BCAS2: variants seen among roughly 807,000 people sequenced by gnomAD.
BCAS2 encodes the protein BCAS2 pre-mRNA processing factor.
A neutral mutation model predicts 35.3 loss-of-function variants in BCAS2; 34 were observed. That is an observed-to-expected ratio of 0.96 (90% CI 0.73 to 1.28). The LOEUF (loss-of-function observed/expected upper bound fraction) is 1.28, where lower values mean the gene tolerates loss of function less well. BCAS2 is among the 50% of genes most tolerant of loss of function. The probability of loss-of-function intolerance (pLI) is 0.00; values close to 1 mark genes in which losing one functional copy is unlikely to be tolerated. For synonymous variants in BCAS2, 75 were observed against 91.6 expected (o/e 0.82, Z 1.03); for missense variants, 221 against 268.1 (o/e 0.82, Z 1.23).
At chr1:114,571,489 T>C (rs1395476435) in intron 4 of BCAS2, among the ~76,000 whole-genome samples, 1 of 152,016 alleles carries the variant, frequency 6.6e-6, no homozygotes, top group African/African-American at 2.4e-5. Context: ...TCAAAGTAGC[T>C]TGGATTACAG....
intron 4 of BCAS2, among the ~76,000 whole-genome samples, chr1:114,571,545 G>C (rs1654643972): frequency 6.6e-6 from 1 of 151,972 alleles, no homozygotes; most frequent in South Asian, 2.1e-4. Context: ...TTTTTGTAGA[G>C]ACAGGGTTTC....
At chr1:114,578,214 AAAAC>A (rs755733761) in intron 2 of BCAS2, among the ~76,000 whole-genome samples, 3 of 151,964 alleles carry the variant, frequency 2.0e-5, no homozygotes, top group Non-Finnish European at 4.4e-5. Context: ...AAAAAACAAA[AAAAC>A]AAAAAACAAA....
At chr1:114,570,111 T>A in intron 5 of BCAS2, 39 bp from the exon 6 acceptor site, 1 of 1,415,926 alleles carries the variant, frequency 7.1e-7, no homozygotes, top group South Asian at 1.2e-5. Flanking sequence ...TACATTTTAA[T>A]GTAAGACCTA....
chr1:114,572,493 G>A (rs1654668243), intron 4 of BCAS2, among the ~76,000 whole-genome samples: 1 of 152,170 alleles, frequency 6.6e-6, no homozygotes, highest in African/African-American at 2.4e-5. Flanking sequence ...CACTGAATTT[G>A]GAGGAGACAA....
At chr1:114,577,377 AT>A (rs113493679) in intron 2 of BCAS2, among the ~76,000 whole-genome samples, 21 of 149,874 alleles carry the variant, frequency 1.4e-4, no homozygotes, top group Admixed American at 6.0e-4. Context: ...TTATTTATTT[AT>A]TTTTTTTTTG....
At position 114,574,955 on chromosome 1, in the gene BCAS2, T is replaced by C. The variant is rs1327235904; in HGVS notation, c.419+635A>G. On this transcript the variant is annotated intron_variant, in intron 4 of 6. Transcript: ENST00000369541. ...CACAATCTCAGCTCATTGCAACCTC[T>C]GCCTCCCAGGTTCAAGCAATTCTCC... Among the ~76,000 whole-genome samples the C allele has an allele frequency of 3.9e-5, 6 of 152,046 alleles. No homozygotes were observed. The South Asian group carries it at 1.0e-3, about 26-fold the overall frequency.
intron 4 of BCAS2, among the ~76,000 whole-genome samples, chr1:114,575,164 G>C (rs1248043997): frequency 7.1e-6 from 1 of 140,894 alleles, no homozygotes; most frequent in East Asian, 2.1e-4. Context: ...AAACCACCGC[G>C]CCCGGCTTTT....
intron 5 of BCAS2, 113 bp downstream of exon 5, chr1:114,570,587 A>G: frequency 1.3e-6 from 1 of 752,884 alleles, no homozygotes; most frequent in South Asian, 1.8e-5. Context: ...AAGAGAGTGG[A>G]TCAATTGTTT....
intron 2 of BCAS2, among the ~76,000 whole-genome samples, chr1:114,577,225 TTG>T (rs57487312): frequency 0.12 from 18,991 of 152,202 alleles, 1,690 homozygotes; most frequent in East Asian, 0.45. Context: ...TGTCTTTCTC[TTG>T]TGTGCCCCTA....
At chr1:114,575,402 C>G (rs1243524182) in intron 4 of BCAS2, among the ~76,000 whole-genome samples, 188 bp downstream of exon 4, 1 of 151,212 alleles carries the variant, frequency 6.6e-6, no homozygotes, top group Non-Finnish European at 1.5e-5. Context: ...ACCATGTTGG[C>G]CAGGCTGGTC....
intron 6 of BCAS2, 40 bp from the exon 7 acceptor site, chr1:114,568,296 T>A: frequency 1.3e-6 from 2 of 1,594,272 alleles, no homozygotes; most frequent in South Asian, 2.2e-5. Context: ...TTACTCAATG[T>A]AAAACTTCTC....
At chr1:114,576,433 T>G (rs1402318682) in intron 3 of BCAS2, among the ~76,000 whole-genome samples, 1 of 115,032 alleles carries the variant, frequency 8.7e-6, no homozygotes, top group Non-Finnish European at 2.0e-5. Context: ...CAGGTACGTT[T>G]ATTATTATTA....
At chr1:114,578,188 CAAAAACAAAAAAACAA>C (rs538555771) in intron 2 of BCAS2, among the ~76,000 whole-genome samples, 42 of 150,904 alleles carry the variant, frequency 2.8e-4, no homozygotes, top group African/African-American at 5.8e-4. Flanking sequence ...GACTTCATCT[CAAAAACAAAAAAACAA>C]AAAAACAAAA....
At chr1:114,573,586 C>T (rs1654695429) in intron 4 of BCAS2, among the ~76,000 whole-genome samples, 2 of 152,132 alleles carry the variant, frequency 1.3e-5, no homozygotes, top group African/African-American at 4.8e-5. Flanking sequence ...TAGCACTTGC[C>T]CCCATATTGC....
At chr1:114,570,623 G>T in intron 5 of BCAS2, 77 bp downstream of exon 5, 1 of 1,013,186 alleles carries the variant, frequency 9.9e-7, no homozygotes, top group Non-Finnish European at 1.5e-6. Flanking sequence ...CAGTCTCTTT[G>T]CTTTCTTTTT....
At chr1:114,571,353 A>C (rs1421906486) in intron 4 of BCAS2, among the ~76,000 whole-genome samples, 3 of 151,642 alleles carry the variant, frequency 2.0e-5, no homozygotes, top group Non-Finnish European at 2.9e-5. Flanking sequence ...GAGCCACTGT[A>C]CCCAGCTTTT....
At position 114,581,396 on chromosome 1, in the gene BCAS2, G is replaced by A. The variant is rs749119779; in HGVS notation, c.94-5C>T. 6.2e-6 allele frequency: 10 copies of A among 1,614,034 alleles called. No individual in the cohort carries two copies. The Admixed American group carries it at 6.7e-5, about 11-fold the overall frequency. On this transcript the variant is annotated splice_polypyrimidine_tract_variant and splice_region_variant and intron_variant, in intron 1 of 6. Coordinates refer to ENST00000369541, the MANE Select transcript of BCAS2 (RefSeq NM_005872.3). Reference sequence around the variant, plus strand: ...CTCCTCCACCAGCGCTGCAGCCTAAGAAAGAGAATAGGGACCAGGGTAGAA... The same window carrying A: ...CTCCTCCACCAGCGCTGCAGCCTAAAAAAGAGAATAGGGACCAGGGTAGAA...
intron 4 of BCAS2, among the ~76,000 whole-genome samples, chr1:114,574,224 C>T (rs1654708067): frequency 6.6e-6 from 1 of 152,162 alleles, no homozygotes; most frequent in Admixed American, 6.5e-5. Flanking sequence ...TAGTGTTTTG[C>T]AGTCATTCAT....
At chr1:114,580,848 T>C (rs1242981968) in intron 2 of BCAS2, among the ~76,000 whole-genome samples, 2 of 152,158 alleles carry the variant, frequency 1.3e-5, no homozygotes, top group Non-Finnish European at 2.9e-5. Flanking sequence ...GAGAAAAAAG[T>C]AGTATACACT....
Sources: allele counts gnomAD v4.1 joint callset (sites outside exome capture counted in the v4.1 genomes callset), GRCh38; gene constraint gnomAD v4.1.1; transcripts MANE v1.5; gene names NCBI Gene and HGNC (gene_info 2026-07-23, HGNC 2026-07-21).